HSPA12A: variants seen among roughly 807,000 people sequenced by gnomAD.
HSPA12A encodes heat shock protein family A (Hsp70) member 12A, also known as heat shock 70 kDa protein 12A.
Under a neutral mutation model 69.2 loss-of-function variants are expected in HSPA12A, and 28 were observed. The observed-to-expected ratio is 0.40, with a 90% CI of 0.30 to 0.55. The LOEUF is 0.55. HSPA12A is among the 20% of genes least tolerant of loss of function. HSPA12A has a pLI of 0.38. For synonymous variants in HSPA12A, 345 were observed against 370.5 expected (o/e 0.93, Z 0.79); for missense variants, 686 against 900.7 (o/e 0.76, Z 3.05).
chr10:116,787,550 T>C (rs1844605355), intron 2 of HSPA12A, among the ~76,000 whole-genome samples: 1 of 152,070 alleles, frequency 6.6e-6, no homozygotes, highest in South Asian at 2.1e-4. Flanking sequence ...GGTGTGGTTT[T>C]GAACGTACAG....
At chr10:116,839,391 G>A (rs1845767530) in intron 1 of HSPA12A, among the ~76,000 whole-genome samples, 3 of 152,084 alleles carry the variant, frequency 2.0e-5, no homozygotes, top group Non-Finnish European at 4.4e-5. Flanking sequence ...ATTACGTGCT[G>A]CAAAGTCTCC....
chr10:116,758,969 AT>A (rs1554889047), intron 2 of HSPA12A, among the ~76,000 whole-genome samples: 3 of 152,182 alleles, frequency 2.0e-5, no homozygotes, highest in African/African-American at 7.2e-5. Context: ...GGTGATGTTG[AT>A]GCAGAAACCC....
intron 6 of HSPA12A, among the ~76,000 whole-genome samples, chr10:116,688,400 T>C (rs1849640809): frequency 6.6e-6 from 1 of 152,224 alleles, no homozygotes; most frequent in African/African-American, 2.4e-5. Context: ...GACATCGTAG[T>C]AGCTTTTTAG....
intron 2 of HSPA12A, among the ~76,000 whole-genome samples, chr10:116,771,039 G>T (rs1305890555): frequency 1.3e-5 from 2 of 151,926 alleles, no homozygotes; most frequent in African/African-American, 4.8e-5. Context: ...TGGACTGCAG[G>T]GTTGGGGTGG....
chr10:116,692,793 G>A (rs1174449293), intron 5 of HSPA12A, among the ~76,000 whole-genome samples: 1 of 152,168 alleles, frequency 6.6e-6, no homozygotes, highest in Non-Finnish European at 1.5e-5. Context: ...GTGCAGTGGG[G>A]ATTATAATGC....
intron 5 of HSPA12A, among the ~76,000 whole-genome samples, chr10:116,696,022 A>G (rs1013739808): frequency 1.3e-5 from 2 of 148,470 alleles, no homozygotes; most frequent in African/African-American, 5.0e-5. Context: ...AAAAAAAAAA[A>G]AGGCTTGCAG....
intron 1 of HSPA12A, among the ~76,000 whole-genome samples, chr10:116,835,935 G>A (rs531298368): frequency 6.6e-6 from 1 of 152,268 alleles, no homozygotes; most frequent in Non-Finnish European, 1.5e-5. Context: ...TTAGTTTGGG[G>A]CAGAAAGAGA....
intron 2 of HSPA12A, among the ~76,000 whole-genome samples, chr10:116,768,192 T>C (rs1280096175): frequency 3.3e-5 from 5 of 152,356 alleles, no homozygotes; most frequent in African/African-American, 9.6e-5. Context: ...AGTACTGATA[T>C]ATGCTACGAC....
At chr10:116,746,210 C>T (rs1005803991), upstream of HSPA12A, among the ~76,000 whole-genome samples, 1 of 152,156 alleles carries the variant, frequency 6.6e-6, no homozygotes, top group Non-Finnish European at 1.5e-5. Flanking sequence ...AAACAAACCC[C>T]CACCACATCC....
chr10:116,717,254 C>T (rs1850634468), intron 1 of HSPA12A, among the ~76,000 whole-genome samples: 1 of 152,204 alleles, frequency 6.6e-6, no homozygotes, highest in African/African-American at 2.4e-5. Flanking sequence ...CAAGCCTGCA[C>T]ACCTGCACGT....
At chr10:116,698,985 C>T (rs1849999924) in intron 4 of HSPA12A, among the ~76,000 whole-genome samples, 1 of 152,154 alleles carries the variant, frequency 6.6e-6, no homozygotes, top group South Asian at 2.1e-4. Flanking sequence ...CTCCTTCTCT[C>T]CCTCTAGCTC....
At chr10:116,814,125 A>AT (rs1185823649) in intron 2 of HSPA12A, among the ~76,000 whole-genome samples, 7 of 152,218 alleles carry the variant, frequency 4.6e-5, no homozygotes, top group Admixed American at 6.5e-5. Context: ...ATTAGAATCT[A>AT]TTTTTTAAAA....
intron 1 of HSPA12A, among the ~76,000 whole-genome samples, chr10:116,734,394 G>A (rs11599268): frequency 0.15 from 22,070 of 145,534 alleles, 2,095 homozygotes; most frequent in South Asian, 0.3. Context: ...AGGCTGCAGT[G>A]AGCCGAGATC....
rs1267608045 is a variant in HSPA12A at position 116,671,564 on chromosome 10, T to C, written c.*3217A>G. ...CTGGCAATTAACCAGACCTGGACTC[T>C]AAAAGCTAAACTTGGTCTAAATAAC... On this transcript the variant is annotated 3_prime_UTR_variant, in exon 12 of 12. Coordinates refer to ENST00000369209, the MANE Select transcript of HSPA12A (RefSeq NM_025015.3). The C allele has an allele frequency of 6.6e-6, 1 of 152,644 alleles. No homozygotes were observed. Among genetic ancestry groups the C allele is most frequent in the African/African-American group, 2.4e-5 (1 of 41,466 alleles). 9.5% of individuals were successfully genotyped at this position (152,644 alleles called of 1,614,324 possible).
chr10:116,742,516 G>T lies in HSPA12A; in HGVS notation c.-47C>A. ...GAGGGGAGCCTCCAGCGCAGCGCCC[G>T]TGCCCGTGCGGGTCTCTGTCCGCGT... On this transcript the variant is annotated 5_prime_UTR_variant, in exon 1 of 12. Coordinates refer to ENST00000369209, the MANE Select transcript of HSPA12A (RefSeq NM_025015.3). 2 of 1,231,598 alleles carry T rather than the reference G, an allele frequency of 1.6e-6. No individual in the cohort carries two copies. The highest frequency in any genetic ancestry group is 2.0e-6 in the Non-Finnish European group (2 of 986,208). 76.3% of individuals were successfully genotyped at this position (1,231,598 alleles called of 1,614,324 possible).
Position 116,671,432 on chromosome 10 carries a change from TA to T in HSPA12A, c.*3348del, listed in dbSNP as rs1849072637. 6.6e-6 allele frequency: 1 copy of T among 152,256 alleles called. No individual in the cohort carries two copies. The highest frequency in any genetic ancestry group is 1.5e-5 in the Non-Finnish European group (1 of 68,046). The allele number at this position is 152,256 out of a possible 1,614,324, so 9.4% of individuals were successfully genotyped here. A position where few individuals can be genotyped will look rare whatever the true frequency, so the allele number is the denominator to read the frequency against. ...CACTCAAGCCGTTTCCCAGCATACA[TA>T]TGCAGCTTAATCACAGCTATACATC... On this transcript the variant is annotated 3_prime_UTR_variant, in exon 12 of 12. Coordinates refer to ENST00000369209, the MANE Select transcript of HSPA12A (RefSeq NM_025015.3).
intron 5 of HSPA12A, among the ~76,000 whole-genome samples, chr10:116,694,615 G>T (rs1849831577): frequency 6.6e-6 from 1 of 151,960 alleles, no homozygotes; most frequent in Non-Finnish European, 1.5e-5. Context: ...AACATCCTGG[G>T]CTTTCTGAGT....
At chr10:116,700,209 C>G (rs537906853) in intron 4 of HSPA12A, among the ~76,000 whole-genome samples, 1 of 152,332 alleles carries the variant, frequency 6.6e-6, no homozygotes, top group South Asian at 2.1e-4. Context: ...CCCCAGAGTC[C>G]GTGTTCTTAA....
At chr10:116,702,372 A>G (rs1850106042) in intron 3 of HSPA12A, among the ~76,000 whole-genome samples, 2 of 152,088 alleles carry the variant, frequency 1.3e-5, no homozygotes, top group Non-Finnish European at 2.9e-5. Context: ...CACTTTCCTC[A>G]CCCACTGGAG....
Sources: allele counts gnomAD v4.1 joint callset (sites outside exome capture counted in the v4.1 genomes callset), GRCh38; gene constraint gnomAD v4.1.1; transcripts MANE v1.5; gene names NCBI Gene and HGNC (gene_info 2026-07-23, HGNC 2026-07-21).